Variants in PTPRD observed in about 807,000 individuals in gnomAD.
PTPRD encodes receptor-type tyrosine-protein phosphatase delta.
A neutral mutation model predicts 214.5 loss-of-function variants in PTPRD; 34 were observed. That is an observed-to-expected ratio of 0.16 (90% CI 0.12 to 0.21). The LOEUF is 0.21. Ranked by LOEUF, PTPRD falls within the 10% of genes least tolerant of loss-of-function variation. PTPRD has a pLI of 1.00. For missense variants in PTPRD, 2,545 were observed against 2,398.7 expected (o/e 1.06, Z -1.27); for synonymous variants, 1,128 against 845.7 (o/e 1.33, Z -5.79).
intron 2 of PTPRD, among the ~76,000 whole-genome samples, chr9:10,403,111 T>G (rs918135257): frequency 1.5e-4 from 22 of 150,660 alleles, no homozygotes; most frequent in Admixed American, 1.3e-3. Context: ...GAAATAAAGG[T>G]GCAGTTAAAT....
intron 11 of PTPRD, among the ~76,000 whole-genome samples, chr9:9,000,371 C>G (rs181062736): frequency 2.6e-5 from 4 of 152,000 alleles, no homozygotes; most frequent in Admixed American, 2.6e-4. Flanking sequence ...GGGAGAATTC[C>G]TGGATGAAGA....
intron 10 of PTPRD, among the ~76,000 whole-genome samples, chr9:9,102,072 G>A (rs1294545911): frequency 3.3e-5 from 5 of 152,136 alleles, no homozygotes; most frequent in Non-Finnish European, 7.3e-5. Context: ...TGCTTCATTG[G>A]TAAGCATACA....
At chr9:10,533,245 G>C (rs974348489) in intron 2 of PTPRD, among the ~76,000 whole-genome samples, 1 of 152,066 alleles carries the variant, frequency 6.6e-6, no homozygotes, top group African/African-American at 2.4e-5. Context: ...CACCAGAATG[G>C]TGAGCTAAAT....
chr9:8,765,842 T>C (rs2094695577), intron 11 of PTPRD, among the ~76,000 whole-genome samples: 1 of 152,176 alleles, frequency 6.6e-6, no homozygotes, highest in African/African-American at 2.4e-5. Context: ...GCATTATGAC[T>C]TTTCAGCTGT....
intron 7 of PTPRD, among the ~76,000 whole-genome samples, chr9:9,619,141 T>C (rs1263787099): frequency 6.6e-6 from 1 of 152,130 alleles, no homozygotes; most frequent in Non-Finnish European, 1.5e-5. Flanking sequence ...ACGCATGAGT[T>C]GTGAGGAGGT....
At chr9:10,304,476 CTGTTTGCAGA>C (rs1460489932) in intron 3 of PTPRD, among the ~76,000 whole-genome samples, 2 of 152,134 alleles carry the variant, frequency 1.3e-5, no homozygotes, top group Non-Finnish European at 2.9e-5. Context: ...CAAATTGTCT[CTGTTTGCAGA>C]TGACATGATT....
At chr9:10,574,446 A>C (rs939441654) in intron 2 of PTPRD, among the ~76,000 whole-genome samples, 11 of 152,114 alleles carry the variant, frequency 7.2e-5, no homozygotes, top group African/African-American at 2.7e-4. Context: ...GTATAATTCC[A>C]AATCTGTGAC....
chr9:9,304,679 T>C (rs1444420010), intron 9 of PTPRD, among the ~76,000 whole-genome samples: 1 of 150,870 alleles, frequency 6.6e-6, no homozygotes, highest in Non-Finnish European at 1.5e-5. Flanking sequence ...TATATTTCCC[T>C]AGAAATATAT....
At chr9:9,715,411 C>T (rs1305020904) in intron 7 of PTPRD, among the ~76,000 whole-genome samples, 2 of 151,900 alleles carry the variant, frequency 1.3e-5, no homozygotes, top group South Asian at 2.1e-4. Flanking sequence ...AATAACCTCT[C>T]TATCATTTCA....
intron 3 of PTPRD, among the ~76,000 whole-genome samples, chr9:10,284,969 A>G (rs12005579): frequency 0.11 from 17,097 of 152,166 alleles, 2,271 homozygotes; most frequent in African/African-American, 0.3. Context: ...TCAGCACTTC[A>G]TTTTGGACAC....
At chr9:9,003,737 C>G (rs2099436236) in intron 11 of PTPRD, among the ~76,000 whole-genome samples, 1 of 152,040 alleles carries the variant, frequency 6.6e-6, no homozygotes, top group South Asian at 2.1e-4. Flanking sequence ...AATGCCCATT[C>G]TGTGTTTTCG....
chr9:9,563,601 G>A (rs2083519135), intron 8 of PTPRD, among the ~76,000 whole-genome samples: 1 of 152,138 alleles, frequency 6.6e-6, no homozygotes, highest in African/African-American at 2.4e-5. Context: ...ACATTCAGAG[G>A]ATCAGGACAG....
intron 4 of PTPRD, among the ~76,000 whole-genome samples, chr9:9,998,115 T>TAAAAA (rs1158744931): frequency 1.9e-5 from 2 of 105,814 alleles, no homozygotes; most frequent in South Asian, 2.9e-4. Flanking sequence ...TAAAGTATAA[T>TAAAAA]AAAAAAAAAA....
rs115426915 is a variant in PTPRD, at chr9:8,591,543, T to G, written c.352+41774A>C. 8.6e-3 allele frequency among the ~76,000 whole-genome samples: 1,309 copies of G among 152,278 alleles called. 24 individuals are homozygous for G. The highest frequency in any genetic ancestry group is 0.03 in the African/African-American group (1,228 of 41,552). ...TGATTGCAATCAAAATCAAACAGAA[T>G]AATTTATGAAAAATGGAAGCAAGAG... On this transcript the variant is annotated intron_variant, in intron 14 of 45. Coordinates refer to ENST00000381196, the MANE Select transcript of PTPRD (RefSeq NM_002839.4).
chr9:8,536,902 G>A (rs2077096268), intron 14 of PTPRD, among the ~76,000 whole-genome samples: 1 of 151,990 alleles, frequency 6.6e-6, no homozygotes, highest in Non-Finnish European at 1.5e-5. Flanking sequence ...TAGTGTATTT[G>A]CTACTTTGTC....
intron 6 of PTPRD, among the ~76,000 whole-genome samples, chr9:9,764,048 T>C (rs192101899): frequency 3.2e-4 from 49 of 152,304 alleles, no homozygotes; most frequent in Non-Finnish European, 5.3e-4. Flanking sequence ...CTCTCCATTG[T>C]AGCATATTGT....
At chr9:8,640,851 A>ACTGTACATTC (rs1485831739) in intron 12 of PTPRD, among the ~76,000 whole-genome samples, 1 of 149,216 alleles carries the variant, frequency 6.7e-6, no homozygotes, top group African/African-American at 2.6e-5. Context: ...AAGACTCAAG[A>ACTGTACATTC]TAATATAGTA....
intron 8 of PTPRD, among the ~76,000 whole-genome samples, chr9:9,420,947 A>G (rs191513475): frequency 6.6e-6 from 1 of 152,030 alleles, no homozygotes; most frequent in South Asian, 2.1e-4. Flanking sequence ...AATTTTTGTG[A>G]TATCTCTTCA....
intron 8 of PTPRD, among the ~76,000 whole-genome samples, chr9:9,475,668 G>A (rs1392191802): frequency 6.6e-6 from 1 of 152,112 alleles, no homozygotes; most frequent in African/African-American, 2.4e-5. Context: ...CACTACAGAT[G>A]TCCCTGACTA....
Sources: allele counts gnomAD v4.1 joint callset (sites outside exome capture counted in the v4.1 genomes callset), GRCh38; gene constraint gnomAD v4.1.1; transcripts MANE v1.5; gene names NCBI Gene and HGNC (gene_info 2026-07-23, HGNC 2026-07-21).